Variants in CEP192 observed in about 807,000 individuals in gnomAD.
CEP192 encodes centrosomal protein 192.
Under a neutral mutation model 271.8 loss-of-function variants are expected in CEP192, and 151 were observed. The ratio of observed to expected loss-of-function variants is 0.56; its 90% CI spans 0.49 to 0.64. The LOEUF (loss-of-function observed/expected upper bound fraction) is 0.64, where lower values mean the gene tolerates loss of function less well. Among genes scored for constraint, CEP192 ranks in the 30% least tolerant of loss-of-function variants. The pLI is 0.00. For synonymous variants in CEP192, 995 were observed against 1,076.5 expected (o/e 0.92, Z 1.48); for missense variants, 2,910 against 3,020.5 (o/e 0.96, Z 0.86).
intron 40 of CEP192, among the ~76,000 whole-genome samples, chr18:13,106,092 G>A (rs2039933556): frequency 6.6e-6 from 1 of 152,086 alleles, no homozygotes; most frequent in Admixed American, 6.5e-5. Flanking sequence ...AAAACAGCCT[G>A]AATAACAAAA....
rs368538773 is a variant in CEP192, at chr18:13,020,253, C to T, written c.1050+1047C>T. Among the ~76,000 whole-genome samples, 22 of 152,324 alleles carry T rather than the reference C, an allele frequency of 1.4e-4. No homozygotes were observed. The East Asian group carries it at 3.7e-3, about 25-fold the overall frequency. The stretch of plus-strand genomic sequence containing the variant: ...CTCAGTTCCCTCCTGCCTTCCAACT[C>T]ATGGCAGCTACCATTCTACTTTCTG... On this transcript the variant is annotated intron_variant, in intron 9 of 44. Transcript: ENST00000506447.
rs79412912 is a variant in CEP192 at position 13,060,486 on chromosome 18, G to C, written c.4488+1174G>C. Among the ~76,000 whole-genome samples, 879 of 152,218 alleles carry C rather than the reference G, an allele frequency of 5.8e-3. 13 individuals are homozygous for C. Among genetic ancestry groups the C allele is most frequent in the African/African-American group, 0.02 (842 of 41,526 alleles). The stretch of plus-strand genomic sequence containing the variant: ...TTTAGGCTACACCAAATTCATAAAA[G>C]AAATTATACTATGATGTTATGATGG... On this transcript the variant is annotated intron_variant, in intron 21 of 44. Transcript: ENST00000506447.
chr18:13,056,854 G>A (rs891330390), intron 19 of CEP192, among the ~76,000 whole-genome samples, 156 bp downstream of exon 19: 2 of 152,190 alleles, frequency 1.3e-5, no homozygotes, highest in Admixed American at 6.6e-5. Context: ...CTGTGCAAGC[G>A]TCCCTAAAGT....
At chr18:13,103,757 C>T (rs1325708667) in intron 39 of CEP192, 169 bp downstream of exon 39, 2 of 656,368 alleles carry the variant, frequency 3.0e-6, no homozygotes, top group Non-Finnish European at 5.6e-6. Context: ...GTGGTATGAA[C>T]ACTGCTCACT....
At position 13,008,559 on chromosome 18, in the gene CEP192, C is replaced by A; in HGVS notation, c.394C>A (p.Pro132Thr). 1 of 1,551,584 alleles carries A rather than the reference C, an allele frequency of 6.4e-7. No homozygotes were observed. Among genetic ancestry groups the A allele is most frequent in the Non-Finnish European group, 8.7e-7 (1 of 1,146,906 alleles). Residue 132 changes from proline (P) to threonine (T), a missense_variant, in exon 4 of 45, where the codon CCA (proline) becomes ACA (threonine). Transcript: ENST00000506447. ...QMETAGPEEE[P>T]AGATESLQGQ... ...GGAGACAGCAGGACCAGAAGAGGAG[C>A]CAGCCGGAGCTACAGAATCCTTGCA...
intron 30 of CEP192, among the ~76,000 whole-genome samples, chr18:13,074,074 CTACATGGTTGTGCAT>C (rs1487871282): frequency 4.7e-4 from 72 of 152,300 alleles, no homozygotes; most frequent in African/African-American, 1.7e-3. Context: ...GAAACTCCAG[CTACATGGTTGTGCAT>C]GCTTTATAAC....
At chr18:13,072,091 TAACAC>T (rs1378150031) in intron 28 of CEP192, among the ~76,000 whole-genome samples, 1 of 152,216 alleles carries the variant, frequency 6.6e-6, no homozygotes, top group Non-Finnish European at 1.5e-5. Flanking sequence ...GCGTTTCTCT[TAACAC>T]AAGGTGGATG....
chr18:13,124,535 C>G, intron 44 of CEP192, 97 bp from the exon 45 acceptor site: 1 of 1,187,222 alleles, frequency 8.4e-7, no homozygotes, highest in Non-Finnish European at 1.1e-6. Flanking sequence ...CTTGACCGAG[C>G]TCTTTCCTCA....
chr18:13,056,853 C>T (rs563935461), intron 19 of CEP192, among the ~76,000 whole-genome samples, 155 bp downstream of exon 19: 16 of 152,200 alleles, frequency 1.1e-4, no homozygotes, highest in Non-Finnish European at 2.2e-4. Context: ...TCTGTGCAAG[C>T]GTCCCTAAAG....
chr18:13,032,895 C>T (rs936279986), intron 11 of CEP192, among the ~76,000 whole-genome samples: 2 of 152,150 alleles, frequency 1.3e-5, no homozygotes, highest in African/African-American at 4.8e-5. Flanking sequence ...ATCTCAGGAA[C>T]ATGTGGAATG....
chr18:13,123,888 G>C (rs542784066), intron 44 of CEP192, among the ~76,000 whole-genome samples: 7 of 152,280 alleles, frequency 4.6e-5, no homozygotes, highest in Admixed American at 1.3e-4. Flanking sequence ...GGCCGGGCAT[G>C]GTGGCTCATG....
At chr18:13,032,924 A>T (rs1440616481) in intron 11 of CEP192, among the ~76,000 whole-genome samples, 1 of 151,832 alleles carries the variant, frequency 6.6e-6, no homozygotes, top group East Asian at 1.9e-4. Context: ...CTGACTAAGA[A>T]CACACACTCT....
chr18:12,992,173 T>TA lies in CEP192; in HGVS notation c.-5+737dup, dbSNP rs113405078. 7.2e-3 allele frequency among the ~76,000 whole-genome samples: 1,100 copies of TA among 152,280 alleles called. 15 individuals are homozygous for TA. Among genetic ancestry groups the TA allele is most frequent in the African/African-American group, 0.021 (862 of 41,570 alleles). ...ATATGACCATATTTCCATTTGCTCT[T>TA]ACTATTTTGAGGTCATTCGACTGGC... On this transcript the variant is annotated intron_variant, in intron 1 of 44. Transcript: ENST00000506447.
intron 30 of CEP192, among the ~76,000 whole-genome samples, chr18:13,082,723 T>C (rs1275631658): frequency 6.6e-6 from 1 of 152,198 alleles, no homozygotes; most frequent in Non-Finnish European, 1.5e-5. Context: ...GCCTCGATGG[T>C]CTTTACAATT....
chr18:13,100,269 C>T (rs1177775672), intron 37 of CEP192, 36 bp from the exon 38 acceptor site: 3 of 1,432,208 alleles, frequency 2.1e-6, no homozygotes, highest in Admixed American at 3.4e-5. Flanking sequence ...GTGATAGATA[C>T]GTTTGTAGCT....
At chr18:13,082,389 C>T (rs866492127) in intron 30 of CEP192, among the ~76,000 whole-genome samples, 1 of 136,248 alleles carries the variant, frequency 7.3e-6, no homozygotes, top group Non-Finnish European at 1.6e-5. Flanking sequence ...GATCTTTGTT[C>T]GTTTAAAGTC....
Position 13,044,974 on chromosome 18 carries a change from T to C in CEP192, c.2067+2640T>C, listed in dbSNP as rs1479097925. On this transcript the variant is annotated intron_variant, in intron 15 of 44. Coordinates refer to ENST00000506447, the MANE Select transcript of CEP192 (RefSeq NM_032142.4). ...GTACTATTCTGATGTTTTAATTTTT[T>C]ATGTCAGTTTTAGTACATTGTAATT... Among the ~76,000 whole-genome samples the C allele has an allele frequency of 2.0e-5, 3 of 152,208 alleles. No homozygotes were observed. The East Asian group carries it at 5.8e-4, about 29-fold the overall frequency.
intron 30 of CEP192, among the ~76,000 whole-genome samples, chr18:13,080,060 C>T (rs1475281795): frequency 6.6e-6 from 1 of 152,168 alleles, no homozygotes; most frequent in African/African-American, 2.4e-5. Context: ...AGTTTGAAGT[C>T]AGGTAGCATG....
intron 38 of CEP192, 52 bp from the exon 39 acceptor site, chr18:13,103,457 C>A (rs992882353): frequency 7.0e-7 from 1 of 1,436,424 alleles, no homozygotes; most frequent in Non-Finnish European, 9.8e-7. Flanking sequence ...CAGTCATCTG[C>A]TTGTTCTCCA....
Sources: gnomAD v4.1 joint callset for allele counts (sites outside exome capture counted in the v4.1 genomes callset) on GRCh38, gnomAD v4.1.1 for gene constraint, MANE v1.5 for transcripts, NCBI Gene and HGNC (gene_info 2026-07-23, HGNC 2026-07-21) for gene names.